The following NR6A1 variants were observed in gnomAD, a reference collection of about 807,000 sequenced individuals.
NR6A1 encodes retinoic acid receptor-related testis-associated receptor.
Under a neutral mutation model 59.1 loss-of-function variants are expected in NR6A1, and 7 were observed. The observed-to-expected ratio is 0.12, with a 90% CI of 0.07 to 0.22. The LOEUF (loss-of-function observed/expected upper bound fraction) is 0.22. Among genes scored for constraint, NR6A1 ranks in the 10% least tolerant of loss-of-function variants. The pLI is 1.00. For missense variants in NR6A1, 468 were observed against 611.6 expected, an observed-to-expected ratio of 0.77 and a Z score of 2.48; for synonymous variants, 243 against 236.1, an observed-to-expected ratio of 1.03 and a Z score of -0.27.
chr9:124,638,321 G>C (rs1478144477), intron 2 of NR6A1, among the ~76,000 whole-genome samples: 1 of 151,552 alleles, frequency 6.6e-6, no homozygotes, highest in African/African-American at 2.4e-5. Flanking sequence ...CATCAGACTG[G>C]ATAGGCTCAT....
Position 124,540,267 on chromosome 9 carries a change from C to T in NR6A1, c.442-80G>A. 5 of 1,442,910 alleles carry T rather than the reference C, an allele frequency of 3.5e-6. No homozygotes were observed. The East Asian group carries it at 9.5e-5, about 27-fold the overall frequency. 89.4% of individuals were successfully genotyped at this position (1,442,910 alleles called of 1,614,324 possible). On this transcript the variant is annotated intron_variant, in intron 4 of 9. Coordinates refer to ENST00000487099, the MANE Select transcript of NR6A1 (RefSeq NM_033334.4). ...TTCAGGACTGAGAGCTTATTTAAAT[C>T]TCATAGGATTTCCCAGAAACCTAGG...
chr9:124,715,712 A>G (rs1839400091), intron 2 of NR6A1, among the ~76,000 whole-genome samples: 1 of 152,156 alleles, frequency 6.6e-6, no homozygotes, highest in African/African-American at 2.4e-5. Context: ...AGTGGGGAGA[A>G]AAAAAAACAC....
chr9:124,636,029 T>A (rs1316647644), intron 2 of NR6A1, among the ~76,000 whole-genome samples: 3 of 152,234 alleles, frequency 2.0e-5, no homozygotes, highest in African/African-American at 7.2e-5. Flanking sequence ...GTCGTCAGTA[T>A]TCTGAATTTT....
intron 2 of NR6A1, among the ~76,000 whole-genome samples, chr9:124,655,384 T>C (rs1300652007): frequency 6.6e-6 from 1 of 152,238 alleles, no homozygotes; most frequent in Non-Finnish European, 1.5e-5. Context: ...TAACAATATG[T>C]ATCTGAAAGG....
Position 124,771,072 on chromosome 9 carries a change from GC to G in NR6A1, c.47del (p.Gly16AlafsTer110). 8.1e-7 allele frequency: 1 copy of G among 1,230,354 alleles called. No homozygotes were observed. The highest frequency in any genetic ancestry group is 1.0e-6 in the Non-Finnish European group (1 of 986,998). The allele number at this position is 1,230,354 out of a possible 1,614,324, so 76.2% of individuals were successfully genotyped here. A position where few individuals can be genotyped will look rare whatever the true frequency, so the allele number is the denominator to read the frequency against. On this transcript the variant is annotated frameshift_variant, in exon 1 of 10. Coordinates refer to ENST00000487099, the MANE Select transcript of NR6A1 (RefSeq NM_033334.4). LOFTEE classifies it high-confidence loss of function. ...PPPSGGGGGG[G>X]SAGFLEPPAA... is the part of the protein sequence containing the mutation. ...CGGGAGGCTCCAGGAACCCCGCCGA[GC>G]CCCCGCCGCCTCCCCCTCCGCTAGG...
chr9:124,699,879 C>A (rs1321493055), intron 2 of NR6A1, among the ~76,000 whole-genome samples: 1 of 152,226 alleles, frequency 6.6e-6, no homozygotes, highest in African/African-American at 2.4e-5. Context: ...GACAGTCTTG[C>A]TCTTCTTCCA....
chr9:124,655,897 T>C (rs745596685), intron 2 of NR6A1, among the ~76,000 whole-genome samples: 3 of 152,298 alleles, frequency 2.0e-5, no homozygotes, highest in African/African-American at 4.8e-5. Flanking sequence ...TAAGTGTCCA[T>C]TGACAGATGA....
chr9:124,598,291 T>A (rs1427048728), intron 2 of NR6A1, among the ~76,000 whole-genome samples: 4 of 151,706 alleles, frequency 2.6e-5, no homozygotes, highest in Admixed American at 2.0e-4. Context: ...GCGCTATGAT[T>A]GTGGCCTCTG....
At chr9:124,626,667 G>A (rs950460155) in intron 2 of NR6A1, among the ~76,000 whole-genome samples, 1 of 152,190 alleles carries the variant, frequency 6.6e-6, no homozygotes, top group African/African-American at 2.4e-5. Context: ...GGGGCGTGGT[G>A]GCTCACGCCT....
chr9:124,624,655 C>T (rs1360537588), intron 2 of NR6A1, among the ~76,000 whole-genome samples: 1 of 152,156 alleles, frequency 6.6e-6, no homozygotes, highest in Non-Finnish European at 1.5e-5. Context: ...TCCCCTAAAA[C>T]AATTAGTGTT....
At chr9:124,625,088 TC>T (rs1235162850) in intron 2 of NR6A1, among the ~76,000 whole-genome samples, 2 of 152,084 alleles carry the variant, frequency 1.3e-5, no homozygotes, top group Admixed American at 6.5e-5. Flanking sequence ...TTTCCAGAAT[TC>T]CCCAGATGTC....
At chr9:124,681,096 A>G (rs552500702) in intron 2 of NR6A1, among the ~76,000 whole-genome samples, 4 of 152,304 alleles carry the variant, frequency 2.6e-5, no homozygotes, top group African/African-American at 9.6e-5. Flanking sequence ...GTGTGACAAA[A>G]CAGTAGGTAC....
chr9:124,723,875 TC>T (rs1443071239), intron 2 of NR6A1, among the ~76,000 whole-genome samples: 2 of 152,168 alleles, frequency 1.3e-5, no homozygotes, highest in Non-Finnish European at 2.9e-5. Context: ...ATCCAAGCAA[TC>T]TTGAGCCAGA....
chr9:124,641,519 T>C (rs897695872), intron 2 of NR6A1, among the ~76,000 whole-genome samples: 2 of 151,736 alleles, frequency 1.3e-5, no homozygotes, highest in African/African-American at 4.8e-5. Context: ...CTGGGAAACA[T>C]AGTAAGACTC....
chr9:124,701,913 TG>T (rs1838969933), intron 2 of NR6A1, among the ~76,000 whole-genome samples: 1 of 152,050 alleles, frequency 6.6e-6, no homozygotes, highest in African/African-American at 2.4e-5. Flanking sequence ...TTAGTAGAGA[TG>T]GGGTTTCACT....
intron 1 of NR6A1, among the ~76,000 whole-genome samples, chr9:124,765,604 T>G (rs550950992): frequency 2.6e-4 from 40 of 152,296 alleles, no homozygotes; most frequent in African/African-American, 7.7e-4. Context: ...TCAAAAGATT[T>G]GGTGCAGCTG....
intron 2 of NR6A1, among the ~76,000 whole-genome samples, chr9:124,597,171 G>A (rs1161371271): frequency 6.6e-6 from 1 of 152,114 alleles, no homozygotes; most frequent in Admixed American, 6.5e-5. Context: ...AAGAGAAAGT[G>A]ACCAATGATT....
chr9:124,521,090 G>A lies in NR6A1; in HGVS notation c.*1615C>T, dbSNP rs1019567733. On this transcript the variant is annotated 3_prime_UTR_variant, in exon 10 of 10. Transcript: ENST00000487099. ...GCCTTTGACTAAATAGGCAGAAGAA[G>A]GTGCCGTGGGCCCTTCCAACCTACC... The A allele has an allele frequency of 1.3e-5, 2 of 152,248 alleles. No individual in the cohort carries two copies. Among genetic ancestry groups the A allele is most frequent in the Non-Finnish European group, 2.9e-5 (2 of 68,048 alleles). 9.4% of individuals were successfully genotyped at this position (152,248 alleles called of 1,614,324 possible). A position where few individuals can be genotyped will look rare whatever the true frequency, so the allele number is the denominator to read the frequency against.
At chr9:124,688,591 T>C (rs1217497273) in intron 2 of NR6A1, among the ~76,000 whole-genome samples, 1 of 152,222 alleles carries the variant, frequency 6.6e-6, no homozygotes, top group African/African-American at 2.4e-5. Flanking sequence ...GGAAAGGTGA[T>C]GGCAAGAGTA....
Sources: allele counts gnomAD v4.1 joint callset (sites outside exome capture counted in the v4.1 genomes callset), GRCh38; gene constraint gnomAD v4.1.1; transcripts MANE v1.5; gene names NCBI Gene and HGNC (gene_info 2026-07-23, HGNC 2026-07-21).